Variants in DAB1 observed in about 807,000 individuals in gnomAD.
The protein encoded by DAB1 is disabled homolog 1.
A neutral mutation model predicts 64.6 loss-of-function variants in DAB1; 15 were observed. That is an observed-to-expected ratio of 0.23 (90% CI 0.16 to 0.36). DAB1 has a LOEUF of 0.36. Ranked by LOEUF, DAB1 falls within the 10% of genes least tolerant of loss-of-function variation. DAB1 has a pLI of 1.00. For synonymous variants in DAB1, 235 were observed against 251.9 expected (o/e 0.93, Z 0.64); for missense variants, 596 against 706.7 (o/e 0.84, Z 1.78).
intron 1 of DAB1, among the ~76,000 whole-genome samples, chr1:57,404,312 CA>C (rs1270446779): frequency 6.6e-6 from 1 of 152,078 alleles, no homozygotes; most frequent in Non-Finnish European, 1.5e-5. Flanking sequence ...GAAAAATAAT[CA>C]TAATAGCTAA....
chr1:57,528,404 T>C (rs1608691), intron 7 of DAB1, among the ~76,000 whole-genome samples: 109,894 of 151,882 alleles, frequency 0.72, 39,920 homozygotes, highest in South Asian at 0.8. Flanking sequence ...GTCACTCTTA[T>C]GTGTAATTAT....
At chr1:57,408,350 C>T (rs554748431) in intron 1 of DAB1, among the ~76,000 whole-genome samples, 231 of 152,210 alleles carry the variant, frequency 1.5e-3, no homozygotes, top group African/African-American at 4.8e-3. Flanking sequence ...TAGCCCTACC[C>T]GGGTTTGAGG....
chr1:58,185,085 A>C (rs1657000116), intron 4 of DAB1, among the ~76,000 whole-genome samples: 1 of 152,186 alleles, frequency 6.6e-6, no homozygotes, highest in Non-Finnish European at 1.5e-5. Flanking sequence ...AAAACAAAAC[A>C]AAAAACTCAG....
rs570574741 is a variant in DAB1 at position 57,831,894 on chromosome 1, A to G, written n.88-5439T>C. Reference sequence around the variant, plus strand: ...AATAAATACTCACCAAGAACATACTATGTGCAAGAGACTATGCTTTGTTCT... The same window carrying G: ...AATAAATACTCACCAAGAACATACTGTGTGCAAGAGACTATGCTTTGTTCT... On this transcript the variant is annotated intron_variant and non_coding_transcript_variant, in intron 1 of 1. Coordinates refer to the DAB1 transcript ENST00000477280. Among the ~76,000 whole-genome samples, 3 of 152,264 alleles carry G rather than the reference A, an allele frequency of 2.0e-5. No homozygotes were observed. The East Asian group carries it at 5.8e-4, about 29-fold the overall frequency.
At position 57,717,267 on chromosome 1, in the gene DAB1, A is replaced by T. The variant is rs1041319203; in HGVS notation, n.552-67602T>A. Among the ~76,000 whole-genome samples, 6 of 149,034 alleles carry T rather than the reference A, an allele frequency of 4.0e-5. 1 individual carries two copies. Among genetic ancestry groups the T allele is most frequent in the Middle Eastern group, 6.9e-3 (2 of 290 alleles). On this transcript the variant is annotated intron_variant and non_coding_transcript_variant, in intron 6 of 20. Transcript: ENST00000485760. ...TAAAAGAATAAATAAAAATAAAAATAAAAAAAAAAGAAAGAAAGAAGACAT... is the reference window on the plus strand; with the variant it reads ...TAAAAGAATAAATAAAAATAAAAATTAAAAAAAAAGAAAGAAAGAAGACAT...
At chr1:57,475,673 C>A (rs1287702934) in intron 7 of DAB1, among the ~76,000 whole-genome samples, 1 of 152,162 alleles carries the variant, frequency 6.6e-6, no homozygotes, top group Non-Finnish European at 1.5e-5. Context: ...AGTGGCAGAA[C>A]CCAGCCTTGA....
chr1:57,023,148 G>C (rs1646675747), intron 11 of DAB1, among the ~76,000 whole-genome samples: 1 of 152,080 alleles, frequency 6.6e-6, no homozygotes. Context: ...CTATCCATCA[G>C]GTCTCAAGAA....
chr1:57,894,741 GC>G (rs1644368962), intron 5 of DAB1, among the ~76,000 whole-genome samples: 1 of 152,254 alleles, frequency 6.6e-6, no homozygotes, highest in African/African-American at 2.4e-5. Context: ...TTTGTAAGGG[GC>G]AACAGCAAAA....
rs532663633 is a variant in DAB1 at position 57,493,703 on chromosome 1, G to A, written n.625+155889C>T. 2.6e-5 allele frequency among the ~76,000 whole-genome samples: 4 copies of A among 151,938 alleles called. No homozygotes were observed. The South Asian group carries it at 8.3e-4, about 32-fold the overall frequency. On this transcript the variant is annotated intron_variant and non_coding_transcript_variant, in intron 7 of 20. Coordinates refer to the DAB1 transcript ENST00000485760. ...TACTAGAAGTATTCAGTGGAAGGAAGGGTGAGACCGAAAGATGAAGAAAGA... is the reference window on the plus strand; with the variant it reads ...TACTAGAAGTATTCAGTGGAAGGAAAGGTGAGACCGAAAGATGAAGAAAGA...
rs991195276 is a variant in DAB1 at position 58,257,346 on chromosome 1, G to T, written n.309+86006C>A. Among the ~76,000 whole-genome samples, 4 of 152,196 alleles carry T rather than the reference G, an allele frequency of 2.6e-5. No homozygotes were observed. In the South Asian group the frequency reaches 8.3e-4, roughly 32 times the overall value. ...CTTGCAGCTTGTGCATCATACAAAGGTCCCCAGATGAAGACATGAGGTTGG... is the reference window on the plus strand; with the variant it reads ...CTTGCAGCTTGTGCATCATACAAAGTTCCCCAGATGAAGACATGAGGTTGG... On this transcript the variant is annotated intron_variant and non_coding_transcript_variant, in intron 4 of 20. Coordinates refer to the DAB1 transcript ENST00000485760.
intron 5 of DAB1, among the ~76,000 whole-genome samples, chr1:57,918,597 G>C (rs1029191368): frequency 1.3e-5 from 2 of 152,102 alleles, no homozygotes; most frequent in Non-Finnish European, 2.9e-5. Context: ...GGCCGGGGCG[G>C]GCAGATCACA....
intron 7 of DAB1, among the ~76,000 whole-genome samples, chr1:57,552,961 A>T (rs1208104111): frequency 5.3e-5 from 8 of 152,150 alleles, no homozygotes; most frequent in Non-Finnish European, 8.8e-5. Context: ...GGCCGATTGT[A>T]TGAGGCTTCT....
chr1:58,506,168 T>C (rs762447690), exon 3 of DAB1: 1 of 872,014 alleles, frequency 1.1e-6, no homozygotes, highest in Non-Finnish European at 2.0e-6. Context: ...CGAACTCCAT[T>C]TGCTGCCAAA....
intron 1 of DAB1, among the ~76,000 whole-genome samples, chr1:57,847,079 T>A (rs1174793788): frequency 6.6e-6 from 1 of 152,210 alleles, no homozygotes; most frequent in Admixed American, 6.5e-5. Flanking sequence ...TTGGGCTTTA[T>A]ACAGCTGTGA....
At chr1:57,476,870 G>T (rs1471890344) in intron 7 of DAB1, among the ~76,000 whole-genome samples, 1 of 152,174 alleles carries the variant, frequency 6.6e-6, no homozygotes, top group Non-Finnish European at 1.5e-5. Context: ...TCTGGATTCA[G>T]AGGACTTGGG....
At chr1:58,465,597 G>A (rs551379755) in intron 3 of DAB1, among the ~76,000 whole-genome samples, 2 of 152,312 alleles carry the variant, frequency 1.3e-5, no homozygotes, top group Admixed American at 6.5e-5. Flanking sequence ...ACAGTGAGGT[G>A]TAGGTATATT....
At chr1:58,132,467 C>T (rs1653676317) in intron 5 of DAB1, among the ~76,000 whole-genome samples, 1 of 151,996 alleles carries the variant, frequency 6.6e-6, no homozygotes, top group African/African-American at 2.4e-5. Flanking sequence ...TCCTATTCGG[C>T]CATCTTGGCT....
intron 4 of DAB1, among the ~76,000 whole-genome samples, chr1:58,272,844 T>C (rs1228961048): frequency 6.9e-6 from 1 of 145,088 alleles, no homozygotes; most frequent in East Asian, 2.1e-4. Context: ...CTGCCTTTTT[T>C]TGTTTTCCAT....
At chr1:57,709,013 C>T (rs1247446874) in intron 6 of DAB1, among the ~76,000 whole-genome samples, 1 of 152,066 alleles carries the variant, frequency 6.6e-6, no homozygotes, top group African/African-American at 2.4e-5. Flanking sequence ...CCACTTCCTC[C>T]TAAGGAATCA....
Sources: allele counts gnomAD v4.1 joint callset (sites outside exome capture counted in the v4.1 genomes callset), GRCh38; gene constraint gnomAD v4.1.1; transcripts MANE v1.5; gene names NCBI Gene and HGNC (gene_info 2026-07-23, HGNC 2026-07-21).